GPC5: variants seen among roughly 807,000 people sequenced by gnomAD.
The protein encoded by GPC5 is glypican 5, also known as glypican-5.
GPC5 carries 47 observed loss-of-function variants against 53.9 expected under a neutral mutation model. That is an observed-to-expected ratio of 0.87 (90% CI 0.69 to 1.11). GPC5 has a LOEUF of 1.11. GPC5 is among the 50% of genes most tolerant of loss of function. The pLI is 0.00. For synonymous variants in GPC5, 286 were observed against 263.3 expected (o/e 1.09, Z -0.84); for missense variants, 748 against 713.1 (o/e 1.05, Z -0.56).
intron 2 of GPC5, among the ~76,000 whole-genome samples, chr13:91,577,172 G>T (rs562053451): frequency 6.6e-6 from 1 of 152,290 alleles, no homozygotes; most frequent in Admixed American, 6.5e-5. Flanking sequence ...CTGAAGGGTT[G>T]GATGATTGTG....
At chr13:92,005,507 T>C (rs971780710) in intron 6 of GPC5, among the ~76,000 whole-genome samples, 1 of 152,182 alleles carries the variant, frequency 6.6e-6, no homozygotes, top group African/African-American at 2.4e-5. Flanking sequence ...GGGACTATTA[T>C]CCCTTCTCCT....
intron 7 of GPC5, among the ~76,000 whole-genome samples, chr13:92,527,108 A>AAAAGGAAG: frequency 2.6e-5 from 1 of 39,060 alleles, no homozygotes; most frequent in South Asian, 1.1e-3. Context: ...AAAGAAAGAA[A>AAAAGGAAG]AAAGAAAGAA....
chr13:92,166,100 A>G (rs769560577), intron 7 of GPC5, among the ~76,000 whole-genome samples: 3 of 152,254 alleles, frequency 2.0e-5, no homozygotes, highest in African/African-American at 4.8e-5. Context: ...AAAGAAATGT[A>G]TTGTTGGAAA....
chr13:92,016,847 C>T (rs563150194), intron 6 of GPC5, among the ~76,000 whole-genome samples: 11 of 151,882 alleles, frequency 7.2e-5, no homozygotes, highest in African/African-American at 1.2e-4. Flanking sequence ...CCTCTTCAGC[C>T]GAGTCTCCAC....
intron 2 of GPC5, among the ~76,000 whole-genome samples, chr13:91,629,111 T>G (rs1416811989): frequency 6.6e-6 from 1 of 152,162 alleles, no homozygotes; most frequent in Admixed American, 6.6e-5. Context: ...GATTATCTTT[T>G]TAAGTATTAT....
intron 2 of GPC5, among the ~76,000 whole-genome samples, chr13:91,545,207 A>T (rs1025764846): frequency 6.6e-6 from 1 of 152,180 alleles, no homozygotes; most frequent in African/African-American, 2.4e-5. Flanking sequence ...GGATTATTTT[A>T]AAAAATTGTG....
chr13:92,777,308 C>G (rs1400513004), intron 7 of GPC5, among the ~76,000 whole-genome samples: 1 of 137,868 alleles, frequency 7.3e-6, no homozygotes, highest in East Asian at 2.4e-4. Flanking sequence ...TGCACTCAAG[C>G]CTGGGCAATA....
At chr13:91,583,994 G>A (rs900036654) in intron 2 of GPC5, among the ~76,000 whole-genome samples, 1 of 152,144 alleles carries the variant, frequency 6.6e-6, no homozygotes, top group African/African-American at 2.4e-5. Flanking sequence ...CCTGTAAAGA[G>A]CTGGTTAAGT....
At chr13:91,560,254 G>A (rs1035722828) in intron 2 of GPC5, among the ~76,000 whole-genome samples, 2 of 152,146 alleles carry the variant, frequency 1.3e-5, no homozygotes, top group Non-Finnish European at 2.9e-5. Flanking sequence ...ACAAGGTTCT[G>A]TGAGATGACC....
chr13:92,803,642 C>T (rs1042689817), intron 7 of GPC5, among the ~76,000 whole-genome samples: 1 of 151,848 alleles, frequency 6.6e-6, no homozygotes, highest in African/African-American at 2.4e-5. Flanking sequence ...TTTTATATAT[C>T]CCTAAACTTG....
chr13:92,144,934 T>A lies in GPC5; in HGVS notation c.1506T>A (p.Asp502Glu). The A allele has an allele frequency of 6.3e-7, 1 of 1,590,340 alleles. No homozygotes were observed. Among genetic ancestry groups the A allele is most frequent in the Non-Finnish European group, 8.5e-7 (1 of 1,170,910 alleles). Residue 502 changes from aspartate (D) to glutamate (E), a missense_variant, in exon 7 of 8, where the codon GAT becomes GAA. Coordinates refer to ENST00000377067, the MANE Select transcript of GPC5 (RefSeq NM_004466.6). ...EQVSGDCDDEDGCGGSGSGEV... is the reference protein window; with the variant it reads ...EQVSGDCDDEEGCGGSGSGEV... ...TCAGTGGGGACTGTGATGATGAAGA[T>A]GGTTGCGGGGGATCAGGAAGTGGAG...
intron 7 of GPC5, among the ~76,000 whole-genome samples, chr13:92,528,877 AT>A (rs1011966976): frequency 1.1e-4 from 16 of 151,986 alleles, no homozygotes; most frequent in Non-Finnish European, 1.6e-4. Flanking sequence ...CTTGAAATAA[AT>A]AGGCACTTAT....
intron 2 of GPC5, among the ~76,000 whole-genome samples, chr13:91,507,723 C>T (rs1885017416): frequency 6.6e-6 from 1 of 152,128 alleles, no homozygotes; most frequent in Non-Finnish European, 1.5e-5. Flanking sequence ...TTCCAAATAC[C>T]ATCACATTGA....
chr13:91,455,567 A>G (rs1387166126), intron 2 of GPC5, among the ~76,000 whole-genome samples: 2 of 152,132 alleles, frequency 1.3e-5, no homozygotes, highest in African/African-American at 4.8e-5. Flanking sequence ...ACCATGTTGT[A>G]TTTTGTATGT....
intron 3 of GPC5, among the ~76,000 whole-genome samples, chr13:91,696,578 T>C (rs1288073935): frequency 6.6e-6 from 1 of 152,170 alleles, no homozygotes; most frequent in Non-Finnish European, 1.5e-5. Flanking sequence ...ATAATGACTT[T>C]CTCACATTCC....
chr13:92,045,243 C>T (rs1382951746), intron 6 of GPC5, among the ~76,000 whole-genome samples: 2 of 152,084 alleles, frequency 1.3e-5, no homozygotes, highest in Admixed American at 1.3e-4. Flanking sequence ...TAAAATGTGT[C>T]GTGCTTACAG....
chr13:92,840,287 C>T (rs2138832627), intron 7 of GPC5, among the ~76,000 whole-genome samples: 1 of 151,828 alleles, frequency 6.6e-6, no homozygotes, highest in South Asian at 2.1e-4. Context: ...CACTCATTTA[C>T]TGATGAAAAT....
At chr13:92,155,383 G>A (rs72635496) in intron 7 of GPC5, among the ~76,000 whole-genome samples, 41,848 of 151,656 alleles carry the variant, frequency 0.28, 7,107 homozygotes, top group South Asian at 0.59. Context: ...TTTGTTTTCT[G>A]TTTCTTTAAA....
At chr13:91,934,358 T>C (rs2039850173) in intron 6 of GPC5, among the ~76,000 whole-genome samples, 1 of 151,986 alleles carries the variant, frequency 6.6e-6, no homozygotes, top group Non-Finnish European at 1.5e-5. Context: ...AAACACTTTT[T>C]TGGGGGTAGG....
Sources: allele counts gnomAD v4.1 joint callset (sites outside exome capture counted in the v4.1 genomes callset), GRCh38; gene constraint gnomAD v4.1.1; transcripts MANE v1.5; gene names NCBI Gene and HGNC (gene_info 2026-07-23, HGNC 2026-07-21).